SOBP: variants seen among roughly 807,000 people sequenced by gnomAD.
SOBP encodes sine oculis-binding protein homolog.
SOBP carries 4 observed loss-of-function variants against 53.6 expected under a neutral mutation model. The ratio of observed to expected loss-of-function variants is 0.07; its 90% CI spans 0.04 to 0.17. SOBP has a LOEUF of 0.17. Among genes scored for constraint, SOBP ranks in the 10% least tolerant of loss-of-function variants. The pLI, the probability that SOBP is intolerant of heterozygous loss-of-function variation, is 1.00. For synonymous variants in SOBP, 584 were observed against 522.6 expected, an observed-to-expected ratio of 1.12 and a Z score of -1.60; for missense variants, 1,088 against 1,204.7, an observed-to-expected ratio of 0.90 and a Z score of 1.43.
At position 107,591,034 on chromosome 6, in the gene SOBP, C is replaced by T. The variant is rs146941908; in HGVS notation, c.669+3859C>T. Among the ~76,000 whole-genome samples the T allele has an allele frequency of 2.4e-3, 366 of 152,230 alleles. 3 individuals are homozygous for T. Among genetic ancestry groups the T allele is most frequent in the African/African-American group, 8.4e-3 (347 of 41,526 alleles). On this transcript the variant is annotated intron_variant, in intron 5 of 6. Transcript: ENST00000317357. ...AATAAGGCACATACAGTATCATAGT[C>T]GTCAAAAATGTGGGCCCTCAGGTCT...
chr6:107,592,144 T>G (rs1216801234), intron 5 of SOBP, among the ~76,000 whole-genome samples: 1 of 152,182 alleles, frequency 6.6e-6, no homozygotes, highest in Admixed American at 6.5e-5. Flanking sequence ...ACAACCTTGG[T>G]AAAGCTTGGC....
rs550713478 is a variant in SOBP at position 107,506,405 on chromosome 6, A to G, written c.399A>G (p.Pro133=). 5.6e-6 allele frequency: 9 copies of G among 1,614,082 alleles called. No homozygotes were observed. In the African/African-American group the frequency reaches 9.3e-5, roughly 17 times the overall value. Residue 133 remains proline (P), a synonymous_variant, in exon 3 of 7, where the codon CCA becomes CCG. Coordinates refer to ENST00000317357, the MANE Select transcript of SOBP (RefSeq NM_018013.4). ...SVPIIVPLIP[P]PFIKPPAEDD... is the part of the protein sequence containing the mutation. The stretch of plus-strand genomic sequence containing the variant: ...CCATTATTGTACCTTTAATTCCACC[A>G]CCTTTCATAAAGCCACCAGCAGGTA...
intron 6 of SOBP, among the ~76,000 whole-genome samples, chr6:107,655,364 G>A (rs1771988901): frequency 6.6e-6 from 1 of 152,092 alleles, no homozygotes; most frequent in Non-Finnish European, 1.5e-5. Flanking sequence ...CCCTGAACCA[G>A]CCAGAGCCAG....
chr6:107,529,036 G>A (rs948144139), intron 3 of SOBP, among the ~76,000 whole-genome samples: 2 of 152,176 alleles, frequency 1.3e-5, no homozygotes, highest in Non-Finnish European at 2.9e-5. Flanking sequence ...GGGCACCTGC[G>A]AAGTACTGCT....
chr6:107,579,548 G>C (rs1016153051), intron 4 of SOBP, among the ~76,000 whole-genome samples: 3 of 152,322 alleles, frequency 2.0e-5, no homozygotes, highest in South Asian at 4.1e-4. Flanking sequence ...TGTGGAAGCT[G>C]TATTTCAGGC....
intron 1 of SOBP, among the ~76,000 whole-genome samples, chr6:107,491,571 C>G (rs1251895745): frequency 6.6e-6 from 1 of 152,264 alleles, no homozygotes; most frequent in Non-Finnish European, 1.5e-5. Flanking sequence ...TCTGGACCCC[C>G]TCGTTGCCCC....
At chr6:107,558,277 T>G (rs889362845) in intron 4 of SOBP, 7 of 151,944 alleles carry the variant, frequency 4.6e-5, no homozygotes, top group African/African-American at 1.7e-4. Context: ...GTTCTTTTTT[T>G]TCCCCCCCCG....
intron 4 of SOBP, among the ~76,000 whole-genome samples, chr6:107,560,705 G>A (rs1238648478): frequency 6.6e-6 from 1 of 152,206 alleles, no homozygotes; most frequent in African/African-American, 2.4e-5. Context: ...CTGAGACTCA[G>A]AGAACTTAAC....
At chr6:107,525,057 TA>T (rs1171959130) in intron 3 of SOBP, among the ~76,000 whole-genome samples, 1 of 152,230 alleles carries the variant, frequency 6.6e-6, no homozygotes, top group Non-Finnish European at 1.5e-5. Flanking sequence ...AAGTCTTTTT[TA>T]AAAATCACAT....
intron 4 of SOBP, among the ~76,000 whole-genome samples, chr6:107,549,160 G>A (rs1368817913): frequency 5.3e-5 from 8 of 152,010 alleles, no homozygotes; most frequent in Admixed American, 2.0e-4. Context: ...CCAGCTACTC[G>A]GGAAGCTGAG....
rs1420777002 is a variant in SOBP at position 107,635,997 on chromosome 6, T to C, written c.*3+528T>C. On this transcript the variant is annotated intron_variant, in intron 6 of 6. Coordinates refer to ENST00000317357, the MANE Select transcript of SOBP (RefSeq NM_018013.4). This position sits in a 1 kb window ranked among gnomAD's most constrained non-coding sequence, Gnocchi z 4.5. The stretch of plus-strand genomic sequence containing the variant: ...TTTCTTGATAAGGACGGGATTCCAT[T>C]TGTAAAGTGAGAATGAAACCTAACT... Among the ~76,000 whole-genome samples the C allele has an allele frequency of 6.6e-6, 1 of 152,206 alleles. No individual in the cohort carries two copies. The highest frequency in any genetic ancestry group is 1.9e-4 in the East Asian group (1 of 5,194).
Position 107,490,603 on chromosome 6 carries a change from C to G in SOBP, c.-14C>G, listed in dbSNP as rs1015339208. The G allele has an allele frequency of 6.3e-7, 1 of 1,592,126 alleles. No individual in the cohort carries two copies. The highest frequency in any genetic ancestry group is 1.3e-5 in the African/African-American group (1 of 74,404). On this transcript the variant is annotated 5_prime_UTR_variant, in exon 1 of 7. Transcript: ENST00000317357. ...AGCAGCCATTTCATCTCCACAGAAACCAGACACAAAAACATGGCAGAAATG... is the reference window on the plus strand; with the variant it reads ...AGCAGCCATTTCATCTCCACAGAAAGCAGACACAAAAACATGGCAGAAATG...
At chr6:107,518,770 A>T (rs1278958833) in intron 3 of SOBP, among the ~76,000 whole-genome samples, 1 of 145,962 alleles carries the variant, frequency 6.9e-6, no homozygotes, top group Non-Finnish European at 1.5e-5. Context: ...TTTTTTCTCA[A>T]AAAGATCCTT....
At chr6:107,548,455 G>A (rs1221443020) in intron 4 of SOBP, among the ~76,000 whole-genome samples, 1 of 151,924 alleles carries the variant, frequency 6.6e-6, no homozygotes, top group Non-Finnish European at 1.5e-5. Context: ...TGTTAGCCAG[G>A]ATGGTCTCCA....
chr6:107,586,125 G>T (rs1186036011), intron 4 of SOBP, among the ~76,000 whole-genome samples: 1 of 152,144 alleles, frequency 6.6e-6, no homozygotes, highest in African/African-American at 2.4e-5. Context: ...AAATCAGCTG[G>T]CAGGGAGCCA....
intron 4 of SOBP, among the ~76,000 whole-genome samples, chr6:107,572,778 T>A (rs1785111794): frequency 6.6e-6 from 1 of 152,212 alleles, no homozygotes. Flanking sequence ...CAGCAAATGA[T>A]AAAGGTGTCC....
chr6:107,490,413 G>C lies in SOBP; in HGVS notation c.-204G>C, dbSNP rs1210502530. 9 of 491,546 alleles carry C rather than the reference G, an allele frequency of 1.8e-5. No individual in the cohort carries two copies. Among genetic ancestry groups the C allele is most frequent in the African/African-American group, 4.0e-5 (2 of 49,398 alleles). The allele number at this position is 491,546 out of a possible 1,614,324, so 30.4% of individuals were successfully genotyped here. ...CTCCGCACTATCCTTACCCGTGACA[G>C]CCACTGACGTCCTCCGCCGCTAGAA... On this transcript the variant is annotated 5_prime_UTR_variant, in exon 1 of 7. Transcript: ENST00000317357.
At position 107,532,129 on chromosome 6, in the gene SOBP, G is replaced by A. The variant is rs570433975; in HGVS notation, c.422-1330G>A. On this transcript the variant is annotated intron_variant, in intron 3 of 6. Transcript: ENST00000317357. ...CCAGAAATCAGACAACACTATACGA[G>A]TGCTTGTTGGGGATTTTATGATTAC... Among the ~76,000 whole-genome samples, 3 of 152,094 alleles carry A rather than the reference G, an allele frequency of 2.0e-5. No homozygotes were observed. The South Asian group carries it at 6.2e-4, about 32-fold the overall frequency.
intron 4 of SOBP, among the ~76,000 whole-genome samples, chr6:107,554,949 T>C (rs565089781): frequency 5.8e-4 from 89 of 152,306 alleles, no homozygotes; most frequent in Non-Finnish European, 1.1e-3. Flanking sequence ...GCAGCATCCT[T>C]GTGCTGCAGT....
Sources: gnomAD v4.1 joint callset for allele counts (sites outside exome capture counted in the v4.1 genomes callset) on GRCh38, gnomAD v4.1.1 for gene constraint, Gnocchi (gnomAD v3.1) non-coding constraint, MANE v1.5 for transcripts, NCBI Gene and HGNC (gene_info 2026-07-23, HGNC 2026-07-21) for gene names.